The following STUM variants were observed in gnomAD, a reference collection of about 807,000 sequenced individuals.
The protein encoded by STUM is protein stum homolog.
A neutral mutation model predicts 15.3 loss-of-function variants in STUM; 8 were observed. The ratio of observed to expected loss-of-function variants is 0.52; its 90% CI spans 0.31 to 0.94. The LOEUF (loss-of-function observed/expected upper bound fraction) is 0.94, where lower values mean the gene tolerates loss of function less well. STUM is among the 40% of genes least tolerant of loss of function. The pLI, the probability that STUM is intolerant of heterozygous loss-of-function variation, is 0.05. For synonymous variants in STUM, 78 were observed against 88.7 expected (o/e 0.88, Z 0.68); for missense variants, 142 against 204.9 (o/e 0.69, Z 1.87).
intron 1 of STUM, among the ~76,000 whole-genome samples, chr1:226,568,426 A>T (rs903588076): frequency 2.6e-5 from 4 of 152,198 alleles, no homozygotes; most frequent in Non-Finnish European, 5.9e-5. Context: ...GTCCAGAGGA[A>T]TTTGGCAGGG....
chr1:226,584,486 G>A (rs1285071232), intron 1 of STUM, among the ~76,000 whole-genome samples: 19 of 152,302 alleles, frequency 1.2e-4, no homozygotes, highest in Admixed American at 1.0e-3. Flanking sequence ...AGAATTGGCC[G>A]CCTGAGTCTA....
rs1668343861 is a variant in STUM at position 226,605,613 on chromosome 1, C to T, written c.*3573C>T. The stretch of plus-strand genomic sequence containing the variant: ...CTTCTCCATCCCCTCAGCAGCCGCC[C>T]CCACCCCAAGCTGGGAAAATAAGCT... On this transcript the variant is annotated 3_prime_UTR_variant, in exon 4 of 4. Transcript: ENST00000366788. This position sits in a 1 kb window ranked among gnomAD's most constrained non-coding sequence, Gnocchi z 4.0. 6.6e-6 allele frequency: 1 copy of T among 152,214 alleles called. No individual in the cohort carries two copies. Among genetic ancestry groups the T allele is most frequent in the African/African-American group, 2.4e-5 (1 of 41,444 alleles). 9.4% of individuals were successfully genotyped at this position (152,214 alleles called of 1,614,324 possible).
chr1:226,579,624 A>AT lies in STUM; in HGVS notation c.203-17175dup, dbSNP rs1667886171. Among the ~76,000 whole-genome samples the AT allele has an allele frequency of 9.3e-5, 7 of 75,046 alleles. 1 individual carries two copies. Among genetic ancestry groups the AT allele is most frequent in the Admixed American group, 3.0e-4 (2 of 6,642 alleles). The allele number at this position is 75,046 out of a possible 152,430, so 49.2% of individuals were successfully genotyped here. On this transcript the variant is annotated intron_variant, in intron 1 of 3. Coordinates refer to ENST00000366788, the MANE Select transcript of STUM (RefSeq NM_001003665.4). ...AGGGAGACCAACTTGGGAAGGCCTT[A>AT]TTTCTTTTTCTTTTTCTTTTTCTTT...
At chr1:226,589,156 C>A (rs1328597416) in intron 1 of STUM, among the ~76,000 whole-genome samples, 3 of 152,190 alleles carry the variant, frequency 2.0e-5, no homozygotes, top group South Asian at 2.1e-4. Context: ...GCTTTAAGAT[C>A]CCCTCTCCAG....
At chr1:226,566,112 T>C (rs1293258638) in intron 1 of STUM, among the ~76,000 whole-genome samples, 1 of 152,214 alleles carries the variant, frequency 6.6e-6, no homozygotes, top group Non-Finnish European at 1.5e-5. Flanking sequence ...AGGAATGGAA[T>C]CCTCAGTTGC....
At chr1:226,581,979 C>T (rs1417565692) in intron 1 of STUM, among the ~76,000 whole-genome samples, 2 of 152,214 alleles carry the variant, frequency 1.3e-5, no homozygotes, top group Admixed American at 6.5e-5. Flanking sequence ...CCATTCCTAA[C>T]TGCAGCCTTC....
At chr1:226,578,560 C>G (rs1277836064) in intron 1 of STUM, among the ~76,000 whole-genome samples, 3 of 149,212 alleles carry the variant, frequency 2.0e-5, no homozygotes, top group South Asian at 4.3e-4. Context: ...GAGACAAGGT[C>G]TTATGTTGCC....
chr1:226,571,002 G>A (rs1334593311), intron 1 of STUM, among the ~76,000 whole-genome samples: 1 of 152,148 alleles, frequency 6.6e-6, no homozygotes, highest in African/African-American at 2.4e-5. Context: ...AGGCCGAGGC[G>A]GGAGGATCAC....
chr1:226,602,151 G>A lies in STUM; in HGVS notation c.*111G>A, dbSNP rs1241312674. 1.4e-6 allele frequency: 1 copy of A among 740,082 alleles called. No homozygotes were observed. Among genetic ancestry groups the A allele is most frequent in the Non-Finnish European group, 2.3e-6 (1 of 443,354 alleles). 45.8% of individuals were successfully genotyped at this position (740,082 alleles called of 1,614,324 possible). A position where few individuals can be genotyped will look rare whatever the true frequency, so the allele number is the denominator to read the frequency against. Reference sequence around the variant, plus strand: ...TTTTCTGCCATTTTCTGGACTGGGGGTGGAAAGGGGGTATTTTTAAAAATA... The same window carrying A: ...TTTTCTGCCATTTTCTGGACTGGGGATGGAAAGGGGGTATTTTTAAAAATA... On this transcript the variant is annotated 3_prime_UTR_variant, in exon 4 of 4. Transcript: ENST00000366788.
chr1:226,574,763 C>T lies in STUM; in HGVS notation c.203-22039C>T, dbSNP rs12079520. Among the ~76,000 whole-genome samples, 335 of 152,198 alleles carry T rather than the reference C, an allele frequency of 2.2e-3. 3 individuals carry two copies. In the East Asian group the frequency reaches 0.04, roughly 18 times the overall value. ...ATAAACAAGTGCACCTCAGGGAGCC[C>T]GAGGTGGGGACGTTACCGTTGCCAA... On this transcript the variant is annotated intron_variant, in intron 1 of 3. Coordinates refer to ENST00000366788, the MANE Select transcript of STUM (RefSeq NM_001003665.4).
At chr1:226,554,511 A>G (rs1391433848) in intron 1 of STUM, among the ~76,000 whole-genome samples, 11 of 152,246 alleles carry the variant, frequency 7.2e-5, no homozygotes, top group Non-Finnish European at 4.4e-5. Context: ...ATGAGAGTGA[A>G]CTGCTGGAAT....
At chr1:226,585,311 C>G (rs183065102) in intron 1 of STUM, among the ~76,000 whole-genome samples, 2 of 152,328 alleles carry the variant, frequency 1.3e-5, no homozygotes, top group East Asian at 3.9e-4. Context: ...AGCACTGCCT[C>G]CTCAGAGGAC....
rs1271568025 is a variant in STUM, at chr1:226,604,451, G to C, written c.*2411G>C. The C allele has an allele frequency of 6.6e-6, 1 of 152,248 alleles. No individual in the cohort carries two copies. The highest frequency in any genetic ancestry group is 1.5e-5 in the Non-Finnish European group (1 of 68,078). The allele number at this position is 152,248 out of a possible 1,614,324, so 9.4% of individuals were successfully genotyped here. ...CCCCTTTCCGGGTAACTGATGTGTG[G>C]GAGAAGCCAAGAGGCCCCTGCCTGT... On this transcript the variant is annotated 3_prime_UTR_variant, in exon 4 of 4. Coordinates refer to ENST00000366788, the MANE Select transcript of STUM (RefSeq NM_001003665.4). The surrounding 1 kb of genome is among the most constrained non-coding windows in gnomAD (Gnocchi z 4.7).
At position 226,600,391 on chromosome 1, in the gene STUM, G is replaced by A. The variant is rs1399882109; in HGVS notation, c.383-275G>A. Among the ~76,000 whole-genome samples, 4 of 152,240 alleles carry A rather than the reference G, an allele frequency of 2.6e-5. No individual in the cohort carries two copies. Among genetic ancestry groups the A allele is most frequent in the Non-Finnish European group, 5.9e-5 (4 of 68,036 alleles). ...GCAGTGGACCAAGCTCCCTGGCAGT[G>A]TGAGAGCCCCTCGCTGTGCCCCTAG... On this transcript the variant is annotated intron_variant, in intron 2 of 3. Coordinates refer to ENST00000366788, the MANE Select transcript of STUM (RefSeq NM_001003665.4). The surrounding 1 kb of genome is among the most constrained non-coding windows in gnomAD (Gnocchi z 5.2).
rs1208574453 is a variant in STUM at position 226,606,207 on chromosome 1, G to C, written c.*4167G>C. 6.6e-6 allele frequency: 1 copy of C among 152,244 alleles called. No homozygotes were observed. Among genetic ancestry groups the C allele is most frequent in the African/African-American group, 2.4e-5 (1 of 41,430 alleles). 9.4% of individuals were successfully genotyped at this position (152,244 alleles called of 1,614,324 possible). A position where few individuals can be genotyped will look rare whatever the true frequency, so the allele number is the denominator to read the frequency against. On this transcript the variant is annotated 3_prime_UTR_variant, in exon 4 of 4. Coordinates refer to ENST00000366788, the MANE Select transcript of STUM (RefSeq NM_001003665.4). ...GAAGGCCCGAGGTTCTTGAGGAGGG[G>C]AAGCTGATAGGGCCCTGGTCTTTCT...
At chr1:226,591,732 A>G (rs938042176) in intron 1 of STUM, among the ~76,000 whole-genome samples, 4 of 152,202 alleles carry the variant, frequency 2.6e-5, no homozygotes, top group African/African-American at 7.2e-5. Flanking sequence ...AAACTTTCAT[A>G]TACACATTAG....
intron 1 of STUM, among the ~76,000 whole-genome samples, chr1:226,591,621 T>C (rs1668086622): frequency 6.6e-6 from 1 of 152,188 alleles, no homozygotes; most frequent in Non-Finnish European, 1.5e-5. Context: ...CTAATCACTT[T>C]GGCAATTCCA....
chr1:226,586,939 C>T (rs756391756), intron 1 of STUM, among the ~76,000 whole-genome samples: 6 of 152,282 alleles, frequency 3.9e-5, no homozygotes, highest in East Asian at 1.9e-4. Context: ...GTCCCATCCC[C>T]GTCTCCTCAG....
intron 1 of STUM, among the ~76,000 whole-genome samples, chr1:226,574,992 C>G (rs1051234905): frequency 1.1e-4 from 17 of 152,164 alleles, no homozygotes; most frequent in African/African-American, 4.1e-4. Context: ...TGTCTGGGCT[C>G]CTTGCTGTCC....
Sources: gnomAD v4.1 joint callset for allele counts (sites outside exome capture counted in the v4.1 genomes callset) on GRCh38, gnomAD v4.1.1 for gene constraint, Gnocchi (gnomAD v3.1) non-coding constraint, MANE v1.5 for transcripts, NCBI Gene and HGNC (gene_info 2026-07-23, HGNC 2026-07-21) for gene names.